VWA3B: variants seen among roughly 807,000 people sequenced by gnomAD.
VWA3B encodes the protein von Willebrand factor A domain-containing protein 3B.
In VWA3B, 138 loss-of-function variants were observed where a neutral mutation model predicts 158.3. The ratio of observed to expected loss-of-function variants is 0.87; its 90% CI spans 0.76 to 1.00. VWA3B has a LOEUF of 1.00. Among genes scored for constraint, VWA3B ranks in the 50% least tolerant of loss-of-function variants. The probability of loss-of-function intolerance (pLI) is 0.00; values close to 1 mark genes in which losing one functional copy is unlikely to be tolerated. For synonymous variants in VWA3B, 596 were observed against 587.3 expected (o/e 1.01, Z -0.21); for missense variants, 1,555 against 1,565.1 (o/e 0.99, Z 0.11).
At chr2:98,096,161 C>T (rs1445383301) in intron 2 of VWA3B, among the ~76,000 whole-genome samples, 2 of 152,148 alleles carry the variant, frequency 1.3e-5, no homozygotes, top group East Asian at 3.8e-4. Flanking sequence ...ATTCTCTCCT[C>T]TTCAAGTTTT....
Position 98,312,269 on chromosome 2 carries a change from C to T in VWA3B, c.3805C>T (p.Pro1269Ser), listed in dbSNP as rs1374699317. The stretch of plus-strand genomic sequence containing the variant: ...CAGCCACGCCATCATTGCCACACCT[C>T]CACCTCGAGCAGCCCTGCCCTGTAC... Reference protein sequence around the residue: ...LSSHAIIATPPPRAALPCTLQ... With the variant: ...LSSHAIIATPSPRAALPCTLQ... The change falls in exon 28 of 28, where the codon CCA becomes TCA. Residue 1269 changes from proline to serine, a missense_variant. Pro to Ser is a moderately conservative substitution (Grantham distance 74). Coordinates refer to ENST00000477737, the MANE Select transcript of VWA3B (RefSeq NM_144992.5). The T allele has an allele frequency of 6.2e-7, 1 of 1,614,210 alleles. No individual in the cohort carries two copies.
At chr2:98,265,545 T>G (rs1558741698) in intron 21 of VWA3B, among the ~76,000 whole-genome samples, 1 of 151,920 alleles carries the variant, frequency 6.6e-6, no homozygotes, top group East Asian at 1.9e-4. Flanking sequence ...TTATAGACCT[T>G]TGGGTATATA....
chr2:98,232,986 C>T lies in VWA3B; in HGVS notation c.2309-1662C>T, dbSNP rs753761153. 2.6e-5 allele frequency among the ~76,000 whole-genome samples: 4 copies of T among 152,138 alleles called. No homozygotes were observed. In the South Asian group the frequency reaches 6.2e-4, roughly 24 times the overall value. On this transcript the variant is annotated intron_variant, in intron 16 of 27. Transcript: ENST00000477737. The stretch of plus-strand genomic sequence containing the variant: ...GACCAAGAGGCGTCCCGGAAAGGGC[C>T]GCTAACTGGAGATTGGCCCTCTTGC...
chr2:98,280,877 C>T (rs1398356430), intron 22 of VWA3B, among the ~76,000 whole-genome samples: 1 of 152,230 alleles, frequency 6.6e-6, no homozygotes, highest in Non-Finnish European at 1.5e-5. Flanking sequence ...TGAGCCCCCG[C>T]CCAGATGTGC....
At chr2:98,319,219 GAAA>G in the VWA3B span, among the ~76,000 whole-genome samples, 4 of 138,000 alleles carry the variant, frequency 2.9e-5, no homozygotes, top group Middle Eastern at 0.011. Flanking sequence ...ATGGATAAAA[GAAA>G]AAAAAAAAGC....
intron 19 of VWA3B, among the ~76,000 whole-genome samples, chr2:98,239,855 A>C (rs1408443887): frequency 2.0e-5 from 3 of 151,812 alleles, no homozygotes. Flanking sequence ...CAGAGGTTGC[A>C]GTGAGCTGAG....
At chr2:98,272,780 C>G (rs1688283493) in intron 22 of VWA3B, among the ~76,000 whole-genome samples, 1 of 152,128 alleles carries the variant, frequency 6.6e-6, no homozygotes, top group African/African-American at 2.4e-5. Flanking sequence ...TATATATATG[C>G]CATAATACCA....
chr2:98,265,099 T>A lies in VWA3B; in HGVS notation c.2844-5583T>A, dbSNP rs565051350. ...GGGTACACGTGCACATTGTACAGGTTAGTTACATATGTATACATGTGCCAT... is the reference window on the plus strand; with the variant it reads ...GGGTACACGTGCACATTGTACAGGTAAGTTACATATGTATACATGTGCCAT... On this transcript the variant is annotated intron_variant, in intron 21 of 27. Transcript: ENST00000477737. Among the ~76,000 whole-genome samples, 383 of 151,868 alleles carry A rather than the reference T, an allele frequency of 2.5e-3. 2 individuals are homozygous for A. Among genetic ancestry groups the A allele is most frequent in the Non-Finnish European group, 4.4e-3 (296 of 67,926 alleles).
At chr2:98,179,800 TTCTTTCTTTCTTTC>T (rs1312450158) in intron 8 of VWA3B, among the ~76,000 whole-genome samples, 2 of 98,458 alleles carry the variant, frequency 2.0e-5, no homozygotes, top group East Asian at 8.5e-4. Flanking sequence ...CTTTCTTTCT[TTCTTTCTTTCTTTC>T]TTTCTTTCTT....
At chr2:98,138,684 G>GT (rs1676479910) in intron 7 of VWA3B, among the ~76,000 whole-genome samples, 1 of 152,226 alleles carries the variant, frequency 6.6e-6, no homozygotes. Flanking sequence ...GTGGGGCTAG[G>GT]TTGCTGGCCT....
chr2:98,195,971 A>T (rs1235607610), intron 12 of VWA3B, among the ~76,000 whole-genome samples: 3 of 152,250 alleles, frequency 2.0e-5, no homozygotes, highest in Non-Finnish European at 4.4e-5. Context: ...AACCAAATAA[A>T]TGAACCTGGA....
At chr2:98,250,216 A>G in intron 19 of VWA3B, 102 bp from the exon 20 acceptor site, 1 of 784,676 alleles carries the variant, frequency 1.3e-6, no homozygotes, top group Non-Finnish European at 2.0e-6. Context: ...TATTGACTTT[A>G]TAGTCAGAGA....
At chr2:98,160,749 C>T (rs1678507003) in intron 7 of VWA3B, among the ~76,000 whole-genome samples, 1 of 152,176 alleles carries the variant, frequency 6.6e-6, no homozygotes, top group African/African-American at 2.4e-5. Context: ...CATTTGGCAG[C>T]AGCCTGTGTT....
Position 98,194,410 on chromosome 2 carries a change from A to G in VWA3B, c.1655A>G (p.Gln552Arg). ...TTTAACTTTGTGAAGTTTGATGGTC[A>G]AGCAGTTGCTTGGCGGGAACAACTT... ...SKFNFVKFDGQAVAWREQLAE... is the reference protein window; with the variant it reads ...SKFNFVKFDGRAVAWREQLAE... Residue 552 changes from glutamine (Q) to arginine (R), a missense_variant, in exon 12 of 28, where the codon CAA (glutamine) becomes CGA (arginine). Transcript: ENST00000477737. 1 of 1,614,152 alleles carries G rather than the reference A, an allele frequency of 6.2e-7. No individual in the cohort carries two copies. The highest frequency in any genetic ancestry group is 8.5e-7 in the Non-Finnish European group (1 of 1,179,986).
chr2:98,139,351 C>G (rs1037262045), intron 7 of VWA3B, among the ~76,000 whole-genome samples: 2 of 152,254 alleles, frequency 1.3e-5, no homozygotes, highest in African/African-American at 4.8e-5. Context: ...TCCACGGTGC[C>G]CAGTCCCATC....
intron 2 of VWA3B, 137 bp downstream of exon 2, chr2:98,093,425 C>T (rs1682494062): frequency 2.5e-6 from 2 of 789,432 alleles, no homozygotes; most frequent in South Asian, 1.9e-5. Flanking sequence ...GTAGAAAATG[C>T]TTGCACGTGT....
chr2:98,228,223 G>A lies in VWA3B; in HGVS notation c.2041G>A (p.Val681Ile), dbSNP rs777680981. The A allele has an allele frequency of 3.1e-6, 5 of 1,613,378 alleles. No homozygotes were observed. The highest frequency in any genetic ancestry group is 1.7e-5 in the Admixed American group (1 of 59,842). Residue 681 changes from valine (V) to isoleucine (I), a missense_variant, in exon 15 of 28, where the codon GTT becomes ATT. Val to Ile is a conservative substitution (Grantham distance 29). Transcript: ENST00000477737. ...GCAGAATGAAGATCTGACTCTTTTA[G>A]TTAAGGAAATGGAACAGGGTCACAG... ...AVQNEDLTLL[V>I]KEMEQGHSDL...
intron 7 of VWA3B, among the ~76,000 whole-genome samples, chr2:98,138,296 T>G (rs1676447187): frequency 6.6e-6 from 1 of 152,212 alleles, no homozygotes; most frequent in African/African-American, 2.4e-5. Context: ...GGCTGCTTGT[T>G]GAGGCATCTG....
intron 14 of VWA3B, among the ~76,000 whole-genome samples, chr2:98,223,338 G>A (rs1450747625): frequency 6.7e-6 from 1 of 150,092 alleles, no homozygotes; most frequent in African/African-American, 2.4e-5. Context: ...GAGCCACGAG[G>A]ACCTGTGAGA....
Sources: gnomAD v4.1 joint callset for allele counts (sites outside exome capture counted in the v4.1 genomes callset) on GRCh38, gnomAD v4.1.1 for gene constraint, MANE v1.5 for transcripts, NCBI Gene and HGNC (gene_info 2026-07-23, HGNC 2026-07-21) for gene names.